CRIM1: variants seen among roughly 807,000 people sequenced by gnomAD.
CRIM1 encodes cysteine rich transmembrane BMP regulator 1, also known as cysteine-rich motor neuron 1 protein.
CRIM1 carries 32 observed loss-of-function variants against 116.4 expected under a neutral mutation model. That is an observed-to-expected ratio of 0.27 (90% CI 0.21 to 0.37). CRIM1 has a LOEUF of 0.37. CRIM1 is among the 10% of genes least tolerant of loss of function. The probability of loss-of-function intolerance (pLI) is 1.00; values close to 1 mark genes in which losing one functional copy is unlikely to be tolerated. For missense variants in CRIM1, 1,331 were observed against 1,354.8 expected, an observed-to-expected ratio of 0.98 and a Z score of 0.28; for synonymous variants, 590 against 509.2, an observed-to-expected ratio of 1.16 and a Z score of -2.13.
chr2:36,498,549 C>G (rs979134698), intron 7 of CRIM1, among the ~76,000 whole-genome samples: 2 of 152,152 alleles, frequency 1.3e-5, no homozygotes, highest in Non-Finnish European at 2.9e-5. Context: ...TAAAGCGTCA[C>G]CTCTGGTCTT....
At chr2:36,433,530 T>G (rs1234567507) in intron 2 of CRIM1, among the ~76,000 whole-genome samples, 2 of 152,150 alleles carry the variant, frequency 1.3e-5, no homozygotes, top group African/African-American at 4.8e-5. Context: ...TTGTAAAGAT[T>G]CTCTGTTTGC....
chr2:36,459,075 T>C (rs1677379445), intron 4 of CRIM1, among the ~76,000 whole-genome samples: 1 of 152,238 alleles, frequency 6.6e-6, no homozygotes, highest in Admixed American at 6.5e-5. Flanking sequence ...CTAGTTGTAC[T>C]TGTTTTTTGC....
Position 36,478,087 on chromosome 2 carries a change from A to G in CRIM1, c.1174+1016A>G, listed in dbSNP as rs573217184. On this transcript the variant is annotated intron_variant, in intron 6 of 16. Coordinates refer to ENST00000280527, the MANE Select transcript of CRIM1 (RefSeq NM_016441.3). The stretch of plus-strand genomic sequence containing the variant: ...GTCATGCCACTTTCCATACTTCCTC[A>G]TTTTCATAAAATTTTCTCCTTTTGA... 6.6e-5 allele frequency among the ~76,000 whole-genome samples: 10 copies of G among 152,210 alleles called. No individual in the cohort carries two copies. The East Asian group carries it at 1.9e-3, about 29-fold the overall frequency.
intron 2 of CRIM1, among the ~76,000 whole-genome samples, chr2:36,413,930 G>A (rs747925580): frequency 6.6e-5 from 10 of 152,240 alleles, no homozygotes; most frequent in African/African-American, 9.6e-5. Context: ...AGAATGAAAC[G>A]GTGAGATCCG....
intron 2 of CRIM1, among the ~76,000 whole-genome samples, chr2:36,421,121 A>G (rs1674031311): frequency 1.3e-5 from 2 of 152,254 alleles, no homozygotes; most frequent in Admixed American, 1.3e-4. Flanking sequence ...ATCCAAAACC[A>G]TAAGCAGAAA....
intron 1 of CRIM1, among the ~76,000 whole-genome samples, chr2:36,393,691 G>A (rs1386466086): frequency 6.6e-6 from 1 of 152,130 alleles, no homozygotes; most frequent in African/African-American, 2.4e-5. Flanking sequence ...TAACATCTGA[G>A]CTAGGTTTTG....
chr2:36,469,030 C>G (rs1420563638), intron 5 of CRIM1, among the ~76,000 whole-genome samples: 1 of 152,134 alleles, frequency 6.6e-6, no homozygotes, highest in East Asian at 1.9e-4. Flanking sequence ...TTGAAACTAC[C>G]AGAAATATTT....
intron 13 of CRIM1, among the ~76,000 whole-genome samples, chr2:36,528,875 C>G (rs1665930377): frequency 2.0e-5 from 3 of 152,310 alleles, no homozygotes; most frequent in Non-Finnish European, 2.9e-5. Flanking sequence ...TTGTTTGGGT[C>G]TTACCCTATG....
intron 16 of CRIM1, among the ~76,000 whole-genome samples, chr2:36,547,736 AGAAAAGATGTATGTTTGT>A (rs1667453247): frequency 6.6e-6 from 1 of 152,142 alleles, no homozygotes; most frequent in Admixed American, 6.5e-5. Context: ...ACACTAAGGG[AGAAAAGATGTATGTTTGT>A]TTTCAGTACA....
chr2:36,377,704 T>G (rs1349389258), intron 1 of CRIM1, among the ~76,000 whole-genome samples: 1 of 152,222 alleles, frequency 6.6e-6, no homozygotes, highest in Non-Finnish European at 1.5e-5. Flanking sequence ...TCTGAAACTA[T>G]GGTTTATACA....
chr2:36,511,949 T>G (rs1011508074), intron 9 of CRIM1, among the ~76,000 whole-genome samples: 3 of 152,222 alleles, frequency 2.0e-5, no homozygotes, highest in African/African-American at 7.2e-5. Context: ...TCTCCTTCAC[T>G]TTCCTATTCA....
At chr2:36,444,348 A>G (rs1004448422) in intron 4 of CRIM1, among the ~76,000 whole-genome samples, 1 of 152,194 alleles carries the variant, frequency 6.6e-6, no homozygotes, top group Admixed American at 6.5e-5. Flanking sequence ...TCTGTAATGA[A>G]TTGGCTGCTT....
At chr2:36,464,723 C>T in intron 5 of CRIM1, 68 bp downstream of exon 5, 1 of 1,571,332 alleles carries the variant, frequency 6.4e-7, no homozygotes, top group Non-Finnish European at 8.7e-7. Flanking sequence ...GAGGGTTCAA[C>T]TTAGCTGCTT....
chr2:36,403,858 G>A (rs529107261), intron 2 of CRIM1, among the ~76,000 whole-genome samples: 109 of 152,238 alleles, frequency 7.2e-4, no homozygotes, highest in African/African-American at 2.6e-3. Flanking sequence ...GGAGAATCAA[G>A]GGGAGGATGA....
At chr2:36,451,816 G>T (rs1676750052) in intron 4 of CRIM1, among the ~76,000 whole-genome samples, 1 of 152,186 alleles carries the variant, frequency 6.6e-6, no homozygotes, top group East Asian at 1.9e-4. Flanking sequence ...CTTCCTGAGG[G>T]TGGCTTGGAA....
intron 2 of CRIM1, among the ~76,000 whole-genome samples, chr2:36,415,659 G>A (rs1054704991): frequency 6.6e-6 from 1 of 152,168 alleles, no homozygotes; most frequent in Non-Finnish European, 1.5e-5. Context: ...AGGCTAGCTG[G>A]GGGAAATGAA....
chr2:36,416,583 T>C (rs1054271276), intron 2 of CRIM1, among the ~76,000 whole-genome samples: 5 of 152,228 alleles, frequency 3.3e-5, no homozygotes, highest in Admixed American at 2.6e-4. Context: ...GGTTTAGTAT[T>C]TTTTGACCTG....
At chr2:36,382,747 A>G (rs1670881072) in intron 1 of CRIM1, among the ~76,000 whole-genome samples, 1 of 152,226 alleles carries the variant, frequency 6.6e-6, no homozygotes, top group South Asian at 2.1e-4. Flanking sequence ...TGCCTTGAGA[A>G]CTTACCAGTC....
chr2:36,405,204 C>G (rs1672695507), intron 2 of CRIM1, among the ~76,000 whole-genome samples: 1 of 152,122 alleles, frequency 6.6e-6, no homozygotes, highest in Admixed American at 6.5e-5. Context: ...GGAGAAAATG[C>G]TCACAGAAAA....
Sources: gnomAD v4.1 joint callset for allele counts (sites outside exome capture counted in the v4.1 genomes callset) on GRCh38, gnomAD v4.1.1 for gene constraint, MANE v1.5 for transcripts, NCBI Gene and HGNC (gene_info 2026-07-23, HGNC 2026-07-21) for gene names.